Variants in ZFPM2 observed in about 807,000 individuals in gnomAD.
ZFPM2 encodes the protein zinc finger protein ZFPM2.
ZFPM2 carries 20 observed loss-of-function variants against 98.6 expected under a neutral mutation model. That is an observed-to-expected ratio of 0.20 (90% CI 0.14 to 0.29). The LOEUF is 0.29. Among genes scored for constraint, ZFPM2 ranks in the 10% least tolerant of loss-of-function variants. ZFPM2 has a pLI of 1.00. For synonymous variants in ZFPM2, 518 were observed against 502.7 expected (o/e 1.03, Z -0.41); for missense variants, 1,310 against 1,388.6 (o/e 0.94, Z 0.90).
intron 5 of ZFPM2, among the ~76,000 whole-genome samples, chr8:105,772,565 T>G (rs1414904085): frequency 6.6e-6 from 1 of 152,146 alleles, no homozygotes; most frequent in African/African-American, 2.4e-5. Flanking sequence ...TTTCTATGTA[T>G]GATAGTCTCA....
intron 5 of ZFPM2, among the ~76,000 whole-genome samples, chr8:105,733,969 G>A (rs969373957): frequency 7.2e-5 from 11 of 151,862 alleles, no homozygotes; most frequent in African/African-American, 2.7e-4. Flanking sequence ...AGGACACCTG[G>A]AAGAGGGAAA....
intron 5 of ZFPM2, among the ~76,000 whole-genome samples, chr8:105,648,439 T>C (rs1817098395): frequency 6.6e-6 from 1 of 152,194 alleles, no homozygotes; most frequent in South Asian, 2.1e-4. Context: ...GTTTTAGACA[T>C]GAAGTCCTTG....
intron 4 of ZFPM2, among the ~76,000 whole-genome samples, chr8:105,624,778 C>G (rs1417999767): frequency 6.6e-6 from 1 of 151,852 alleles, no homozygotes; most frequent in African/African-American, 2.4e-5. Context: ...TAATATGTTC[C>G]AACAATTTGA....
At chr8:105,737,228 A>G (rs751725010) in intron 5 of ZFPM2, 11 of 152,026 alleles carry the variant, frequency 7.2e-5, no homozygotes, top group Non-Finnish European at 1.6e-4. Flanking sequence ...CTATATAACT[A>G]TTATTCTTGA....
chr8:105,322,812 AG>A (rs1812051987), intron 1 of ZFPM2, among the ~76,000 whole-genome samples: 1 of 152,094 alleles, frequency 6.6e-6, no homozygotes, highest in Admixed American at 6.6e-5. Flanking sequence ...AGTTCGGTAG[AG>A]GGTCTTTCCC....
intron 5 of ZFPM2, among the ~76,000 whole-genome samples, chr8:105,774,692 C>T (rs1440437814): frequency 1.6e-4 from 24 of 152,060 alleles, no homozygotes; most frequent in Non-Finnish European, 1.5e-5. Flanking sequence ...TTTATGAAGG[C>T]ATAAAATGAT....
intron 1 of ZFPM2, among the ~76,000 whole-genome samples, chr8:105,335,084 G>T (rs1445884571): frequency 6.6e-6 from 1 of 151,682 alleles, no homozygotes. Context: ...TAAATATGTT[G>T]AATTTTTGTC....
chr8:105,438,639 C>T (rs1257449957), intron 2 of ZFPM2, among the ~76,000 whole-genome samples: 1 of 151,890 alleles, frequency 6.6e-6, no homozygotes, highest in African/African-American at 2.4e-5. Context: ...GAGAGAATGT[C>T]TGAGACATGA....
At chr8:105,552,088 A>G (rs1473277501) in intron 3 of ZFPM2, among the ~76,000 whole-genome samples, 5 of 152,332 alleles carry the variant, frequency 3.3e-5, no homozygotes, top group Non-Finnish European at 5.9e-5. Flanking sequence ...AATATCAATG[A>G]GTTCTATTGA....
chr8:105,494,082 C>T (rs1348141169), intron 3 of ZFPM2, among the ~76,000 whole-genome samples: 2 of 150,456 alleles, frequency 1.3e-5, no homozygotes, highest in South Asian at 2.1e-4. Flanking sequence ...TTCTACTCAG[C>T]CTGTGCATGC....
chr8:105,488,798 A>G (rs1253299716), intron 3 of ZFPM2, among the ~76,000 whole-genome samples: 2 of 152,102 alleles, frequency 1.3e-5, no homozygotes, highest in African/African-American at 2.4e-5. Context: ...AACTGGCCCA[A>G]AGTAAAAGAA....
chr8:105,423,342 T>C (rs1383491104), intron 2 of ZFPM2, among the ~76,000 whole-genome samples: 2 of 152,208 alleles, frequency 1.3e-5, no homozygotes, highest in Admixed American at 1.3e-4. Flanking sequence ...ACATTTCATG[T>C]TCCTATTTTT....
intron 1 of ZFPM2, among the ~76,000 whole-genome samples, chr8:105,362,550 A>G (rs112108109): frequency 4.6e-5 from 7 of 152,056 alleles, no homozygotes; most frequent in Non-Finnish European, 2.9e-5. Flanking sequence ...TGTTGATTAT[A>G]TTTATTTATT....
intron 3 of ZFPM2, among the ~76,000 whole-genome samples, chr8:105,514,307 CTTTT>C (rs56955237): frequency 1.6e-5 from 2 of 127,546 alleles, no homozygotes; most frequent in East Asian, 2.8e-4. Context: ...CTGGTCGTGT[CTTTT>C]TTTTTTTTTT....
At chr8:105,499,143 C>T (rs1813536204) in intron 3 of ZFPM2, among the ~76,000 whole-genome samples, 1 of 152,036 alleles carries the variant, frequency 6.6e-6, no homozygotes, top group Non-Finnish European at 1.5e-5. Context: ...TAGCCCTTCC[C>T]TCCTGCCCTG....
At chr8:105,729,482 T>A (rs1811882131) in intron 5 of ZFPM2, among the ~76,000 whole-genome samples, 1 of 151,692 alleles carries the variant, frequency 6.6e-6, no homozygotes, top group East Asian at 1.9e-4. Context: ...TGCATAATAA[T>A]GTATTGTATA....
At chr8:105,386,053 A>C (rs1241490927) in intron 1 of ZFPM2, among the ~76,000 whole-genome samples, 1 of 152,202 alleles carries the variant, frequency 6.6e-6, no homozygotes, top group African/African-American at 2.4e-5. Flanking sequence ...AATATTAAAT[A>C]AATTAATGTA....
At chr8:105,795,534 T>G (rs1214997608) in intron 6 of ZFPM2, among the ~76,000 whole-genome samples, 1 of 151,312 alleles carries the variant, frequency 6.6e-6, no homozygotes, top group Middle Eastern at 3.2e-3. Flanking sequence ...AAATCAAAGT[T>G]TGATTAGATA....
intron 2 of ZFPM2, among the ~76,000 whole-genome samples, chr8:105,433,233 A>C (rs1172490629): frequency 6.6e-6 from 1 of 152,232 alleles, no homozygotes; most frequent in African/African-American, 2.4e-5. Flanking sequence ...GTCTTATTTC[A>C]TGTGGAAATT....
Sources: gnomAD v4.1 joint callset for allele counts (sites outside exome capture counted in the v4.1 genomes callset) on GRCh38, gnomAD v4.1.1 for gene constraint, MANE v1.5 for transcripts, NCBI Gene and HGNC (gene_info 2026-07-23, HGNC 2026-07-21) for gene names.